Variants in NGLY1 observed in about 807,000 individuals in gnomAD.
The protein encoded by NGLY1 is N-glycanase 1.
A neutral mutation model predicts 84.6 loss-of-function variants in NGLY1; 68 were observed. The observed-to-expected ratio is 0.80, with a 90% CI of 0.66 to 0.98. NGLY1 has a LOEUF of 0.98. NGLY1 is among the 50% of genes least tolerant of loss of function. NGLY1 has a pLI of 0.00. For synonymous variants in NGLY1, 280 were observed against 275.2 expected (o/e 1.02, Z -0.17); for missense variants, 779 against 770.2 (o/e 1.01, Z -0.14).
chr3:25,726,231 C>A (rs1332489386), intron 10 of NGLY1, among the ~76,000 whole-genome samples: 4 of 152,160 alleles, frequency 2.6e-5, no homozygotes, highest in Non-Finnish European at 5.9e-5. Context: ...ATGCCACGTA[C>A]ATTTTTACAT....
At chr3:25,727,821 T>C (rs1291875160) in intron 10 of NGLY1, among the ~76,000 whole-genome samples, 1 of 152,218 alleles carries the variant, frequency 6.6e-6, no homozygotes, top group Non-Finnish European at 1.5e-5. Context: ...CCATCATTAC[T>C]ACTTTACTAA....
intron 3 of NGLY1, among the ~76,000 whole-genome samples, chr3:25,751,894 A>T (rs1706770723): frequency 6.6e-6 from 1 of 152,188 alleles, no homozygotes; most frequent in South Asian, 2.1e-4. Flanking sequence ...GCCTCTGAGC[A>T]GTAAGTGTGC....
chr3:25,743,400 T>C (rs1200302927), intron 4 of NGLY1, among the ~76,000 whole-genome samples: 1 of 152,156 alleles, frequency 6.6e-6, no homozygotes, highest in Non-Finnish European at 1.5e-5. Context: ...TCTCTTAAAC[T>C]TGCCAACCTC....
intron 10 of NGLY1, among the ~76,000 whole-genome samples, 157 bp from the exon 11 acceptor site, chr3:25,720,348 A>AT (rs879356558): frequency 8.6e-5 from 13 of 151,966 alleles, no homozygotes; most frequent in South Asian, 8.3e-4. Context: ...TACTGCTAAC[A>AT]TTTTTTTTGG....
upstream of NGLY1, among the ~76,000 whole-genome samples, chr3:25,785,136 A>C (rs1206520885): frequency 1.5e-4 from 1 of 6,874 alleles, no homozygotes; most frequent in Non-Finnish European, 2.9e-4. Flanking sequence ...CTGCTTGGAC[A>C]AAAAAAAAAA....
rs916085942 is a variant in NGLY1, at chr3:25,739,628, T to C, written c.830A>G (p.Glu277Gly). 2.5e-6 allele frequency: 4 copies of C among 1,614,024 alleles called. No homozygotes were observed. The African/African-American group carries it at 5.3e-5, about 22-fold the overall frequency. Residue 277 changes from glutamate (E) to glycine (G), a missense_variant, in exon 5 of 12, where the codon GAA becomes GGA. By Grantham distance (98) the Glu-to-Gly change is moderately conservative. Coordinates refer to ENST00000280700, the MANE Select transcript of NGLY1 (RefSeq NM_018297.4). ...SDDELKWGAK[E>G]VEDHYCDACQ... is the part of the protein sequence containing the mutation. Reference sequence around the variant, plus strand: ...GGCATCACAGTAATGATCTTCCACTTCCTTTGCACCCCACTTCAGCTCATC... The same window carrying C: ...GGCATCACAGTAATGATCTTCCACTCCCTTTGCACCCCACTTCAGCTCATC...
At chr3:25,789,073 CAA>C (rs1708663418) in intron 1 of NGLY1, among the ~76,000 whole-genome samples, 1 of 152,170 alleles carries the variant, frequency 6.6e-6, no homozygotes, top group Admixed American at 6.5e-5. Flanking sequence ...AGAGCAAGGA[CAA>C]AACTCACGCC....
chr3:25,744,641 C>T (rs1200808318), intron 4 of NGLY1, among the ~76,000 whole-genome samples: 1 of 152,210 alleles, frequency 6.6e-6, no homozygotes, highest in Non-Finnish European at 1.5e-5. Context: ...GGAGGGATGA[C>T]AATGCACCAG....
At chr3:25,757,523 A>G (rs1176847242) in intron 3 of NGLY1, among the ~76,000 whole-genome samples, 3 of 152,256 alleles carry the variant, frequency 2.0e-5, no homozygotes, top group African/African-American at 7.2e-5. Context: ...CAAGGCTATT[A>G]ATAAAAATTT....
intron 5 of NGLY1, among the ~76,000 whole-genome samples, chr3:25,739,142 A>AT (rs539963650): frequency 3.7e-4 from 57 of 152,252 alleles, no homozygotes; most frequent in Non-Finnish European, 7.6e-4. Flanking sequence ...CAGCATTATT[A>AT]TAAGTATTGT....
chr3:25,759,943 C>CA (rs1049270261), intron 3 of NGLY1, among the ~76,000 whole-genome samples: 8 of 143,050 alleles, frequency 5.6e-5, no homozygotes, highest in Non-Finnish European at 1.1e-4. Flanking sequence ...CACACACACA[C>CA]AACAAATCAA....
chr3:25,777,066 A>T (rs1708185699), intron 2 of NGLY1, among the ~76,000 whole-genome samples: 1 of 152,176 alleles, frequency 6.6e-6, no homozygotes, highest in Non-Finnish European at 1.5e-5. Flanking sequence ...TCTTTACAGC[A>T]AGCTAGAATA....
chr3:25,770,196 G>A (rs192614271), intron 2 of NGLY1, among the ~76,000 whole-genome samples: 299 of 152,276 alleles, frequency 2.0e-3, no homozygotes, highest in African/African-American at 6.8e-3. Context: ...TGTCACACAA[G>A]CTGGAGTGCA....
chr3:25,760,428 C>T (rs529269963), intron 3 of NGLY1, among the ~76,000 whole-genome samples: 18 of 152,194 alleles, frequency 1.2e-4, no homozygotes, highest in Middle Eastern at 3.4e-3. Context: ...TTTTAACATA[C>T]GCTAAGTATG....
chr3:25,780,439 C>T (rs1200164854), intron 1 of NGLY1, among the ~76,000 whole-genome samples: 1 of 152,174 alleles, frequency 6.6e-6, no homozygotes, highest in East Asian at 1.9e-4. Flanking sequence ...ATAAACATGT[C>T]AGTACCACCA....
At chr3:25,722,350 A>C (rs1332215260) in intron 10 of NGLY1, among the ~76,000 whole-genome samples, 4 of 151,968 alleles carry the variant, frequency 2.6e-5, no homozygotes, top group African/African-American at 9.7e-5. Flanking sequence ...TCAGGGGCAA[A>C]TAGTTGAAAG....
intron 2 of NGLY1, among the ~76,000 whole-genome samples, chr3:25,771,083 T>C (rs1172900976): frequency 6.6e-6 from 1 of 152,190 alleles, no homozygotes; most frequent in Non-Finnish European, 1.5e-5. Context: ...TTTTATTGCA[T>C]TTGTTTTTGG....
chr3:25,727,139 A>G (rs1012212614), intron 10 of NGLY1, among the ~76,000 whole-genome samples: 41 of 152,200 alleles, frequency 2.7e-4, no homozygotes, highest in African/African-American at 9.7e-4. Flanking sequence ...TGGAATACTT[A>G]AGTTATAACG....
intron 10 of NGLY1, among the ~76,000 whole-genome samples, chr3:25,726,154 C>T (rs558560669): frequency 1.4e-4 from 21 of 151,938 alleles, no homozygotes; most frequent in African/African-American, 4.6e-4. Context: ...CTAAGACCAT[C>T]CAAAGGACAC....
Sources: gnomAD v4.1 joint callset for allele counts (sites outside exome capture counted in the v4.1 genomes callset) on GRCh38, gnomAD v4.1.1 for gene constraint, MANE v1.5 for transcripts, NCBI Gene and HGNC (gene_info 2026-07-23, HGNC 2026-07-21) for gene names.